HERC2: variants seen among roughly 807,000 people sequenced by gnomAD.
HERC2 encodes the protein HECT and RLD domain containing E3 ubiquitin protein ligase 2, also known as E3 ubiquitin-protein ligase HERC2.
A neutral mutation model predicts 537.7 loss-of-function variants in HERC2; 102 were observed. That is an observed-to-expected ratio of 0.19 (90% CI 0.16 to 0.22). The LOEUF is 0.22. Ranked by LOEUF, HERC2 falls within the 10% of genes least tolerant of loss-of-function variation. HERC2 has a pLI of 1.00. For missense variants in HERC2, 4,236 were observed against 6,198.2 expected (o/e 0.68, Z 10.63); for synonymous variants, 2,224 against 2,466.2 (o/e 0.90, Z 2.91).
At chr15:28,254,230 C>T (rs1596329287) in intron 20 of HERC2, 110 bp downstream of exon 20, 1 of 712,772 alleles carries the variant, frequency 1.4e-6, no homozygotes, top group Non-Finnish European at 2.3e-6. Context: ...TTGCAGTGAG[C>T]CAAGATGGCG....
rs993080126 is a variant in HERC2 at position 28,111,688 on chromosome 15, A to G, written c.*75T>C. The G allele has an allele frequency of 8.7e-6, 13 of 1,497,056 alleles. No homozygotes were observed. Among genetic ancestry groups the G allele is most frequent in the Non-Finnish European group, 1.2e-5 (13 of 1,093,550 alleles). The allele number at this position is 1,497,056 out of a possible 1,614,324, so 92.7% of individuals were successfully genotyped here. ...ACGCTTCTCATCAGACACACCAGGC[A>G]GCCTACAGTCTACACAGCAGCGAGC... On this transcript the variant is annotated 3_prime_UTR_variant, in exon 93 of 93. Coordinates refer to ENST00000261609, the MANE Select transcript of HERC2 (RefSeq NM_004667.6).
rs750011168 is a variant in HERC2 at position 28,117,166 on chromosome 15, G to GAAGC, written c.13273-16_13273-13dup. ...CTTGATCGTTTGACCTGGAGAGGAG[G>GAAGC]AAGCAAGCAAGCGTGAGGCCGCTGC... is the stretch of plus-strand genomic sequence containing the variant. On this transcript the variant is annotated splice_polypyrimidine_tract_variant and intron_variant, in intron 86 of 92. Coordinates refer to ENST00000261609, the MANE Select transcript of HERC2 (RefSeq NM_004667.6). The GAAGC allele has an allele frequency of 6.0e-5, 97 of 1,613,524 alleles. No individual in the cohort carries two copies. Among genetic ancestry groups the GAAGC allele is most frequent in the African/African-American group, 9.3e-5 (7 of 74,944 alleles).
At position 28,191,046 on chromosome 15, in the gene HERC2, G is replaced by T. The variant is rs1896809320; in HGVS notation, c.8568C>A (p.Ser2856=). ...PSLVVVSGGN[S]LNNLIELKTI... ...TCTTTAGTTCAATAAGGTTATTCAG[G>T]GAATTTCCACCTAGGAAAAAATGGG... Residue 2856 remains serine (S), a synonymous_variant, in exon 55 of 93, where the codon TCC becomes TCA. Transcript: ENST00000261609. The T allele has an allele frequency of 6.2e-7, 1 of 1,611,708 alleles. No individual in the cohort carries two copies. Among genetic ancestry groups the T allele is most frequent in the African/African-American group, 1.3e-5 (1 of 74,946 alleles).
chr15:28,291,244 T>A (rs578215061), intron 4 of HERC2, among the ~76,000 whole-genome samples: 1 of 152,230 alleles, frequency 6.6e-6, no homozygotes, highest in South Asian at 2.1e-4. Flanking sequence ...AATTTTTTTT[T>A]AAGAAACAGA....
At chr15:28,170,916 A>G (rs1894631096) in intron 65 of HERC2, among the ~76,000 whole-genome samples, 1 of 152,258 alleles carries the variant, frequency 6.6e-6, no homozygotes, top group Admixed American at 6.5e-5. Flanking sequence ...AGCCATAAGG[A>G]AAATATTAAA....
At chr15:28,236,485 T>TTC (rs1233648692) in intron 26 of HERC2, among the ~76,000 whole-genome samples, 2 of 151,968 alleles carry the variant, frequency 1.3e-5, no homozygotes, top group Admixed American at 1.3e-4. Flanking sequence ...GACATGGGGT[T>TTC]TCACCACATT....
chr15:28,307,720 T>C (rs2076829973), intron 2 of HERC2, among the ~76,000 whole-genome samples: 1 of 152,246 alleles, frequency 6.6e-6, no homozygotes, highest in Admixed American at 6.5e-5. Flanking sequence ...AACATAATTT[T>C]TTTAACTTTT....
At chr15:28,140,484 C>T (rs1176447731) in intron 78 of HERC2, among the ~76,000 whole-genome samples, 1 of 152,188 alleles carries the variant, frequency 6.6e-6, no homozygotes, top group Non-Finnish European at 1.5e-5. Context: ...AACATAAAGT[C>T]AATATATAAA....
At position 28,228,369 on chromosome 15, in the gene HERC2, G is replaced by C; in HGVS notation, c.5313C>G (p.Asn1771Lys). The change falls in exon 35 of 93, where the codon AAC (asparagine) becomes AAG (lysine). Residue 1771 changes from asparagine to lysine, a missense_variant. By Grantham distance (94) the Asn-to-Lys change is moderately conservative (BLOSUM62 0). This residue lies in a region of HERC2 where 343 missense variants were observed against 417.2 expected (regional missense o/e 0.82). Transcript: ENST00000261609. ...PVPLQTITNE[N>K]PSGPSLGTIP... ...TGGTCCCCAGGCTCGGTCCTGACGG[G>C]TTCTCATTGGTGATGGTTTGCAGGG... 1 of 1,612,092 alleles carries C rather than the reference G, an allele frequency of 6.2e-7. No homozygotes were observed. Among genetic ancestry groups the C allele is most frequent in the Non-Finnish European group, 8.5e-7 (1 of 1,179,868 alleles).
chr15:28,161,351 C>T (rs1031335825), intron 69 of HERC2, among the ~76,000 whole-genome samples: 1 of 152,096 alleles, frequency 6.6e-6, no homozygotes, highest in African/African-American at 2.4e-5. Context: ...GGCACAGAAA[C>T]TGCCTAAACT....
chr15:28,203,833 C>T (rs1438584202), intron 45 of HERC2: 20 of 151,896 alleles, frequency 1.3e-4, no homozygotes, highest in African/African-American at 2.4e-5. Flanking sequence ...AGCCTGCGCT[C>T]GGCACAAAGG....
chr15:28,134,742 C>T (rs1419699787), intron 79 of HERC2, among the ~76,000 whole-genome samples: 1 of 144,414 alleles, frequency 6.9e-6, no homozygotes, highest in Non-Finnish European at 1.5e-5. Context: ...TCGCTCTGTT[C>T]CCCAGGCTGG....
Position 28,207,148 on chromosome 15 carries a change from T to TC in HERC2, c.7070-767_7070-766insG, listed in dbSNP as rs1002525534. Among the ~76,000 whole-genome samples the TC allele has an allele frequency of 3.6e-3, 538 of 151,400 alleles. 6 individuals are homozygous for TC. The highest frequency in any genetic ancestry group is 0.012 in the African/African-American group (512 of 40,962). On this transcript the variant is annotated intron_variant, in intron 44 of 92. Transcript: ENST00000261609. ...CTGCACTTGGTCTGATTCTTTCTCT[T>TC]TTCTTGAGATGGAGTCTCACTCTGT...
intron 36 of HERC2, 69 bp downstream of exon 36, chr15:28,221,959 A>G: frequency 9.5e-7 from 1 of 1,051,038 alleles, no homozygotes; most frequent in East Asian, 2.3e-5. Flanking sequence ...CCACCCACCA[A>G]TATCGTACAG....
chr15:28,233,543 A>G lies in HERC2; in HGVS notation c.4370T>C (p.Leu1457Ser), dbSNP rs774619391. 44 of 1,610,646 alleles carry G rather than the reference A, an allele frequency of 2.7e-5. No individual in the cohort carries two copies. Among genetic ancestry groups the G allele is most frequent in the Admixed American group, 3.3e-5 (2 of 59,982 alleles). ...HEDLGHVALS[L>S]VHAGALGIEQ... Reference sequence around the variant, plus strand: ...AATACCAAGTGCACCTGCATGAACTAAAGATAATGCCACATGACCTGTAAA... The same window carrying G: ...AATACCAAGTGCACCTGCATGAACTGAAGATAATGCCACATGACCTGTAAA... The change falls in exon 29 of 93, where the codon TTA (leucine) becomes TCA (serine). Residue 1457 changes from leucine to serine, a missense_variant. This residue lies in a region of HERC2 where 94 missense variants were observed against 174.9 expected (regional missense o/e 0.54). Transcript: ENST00000261609.
chr15:28,150,756 G>A (rs147808773), intron 70 of HERC2, among the ~76,000 whole-genome samples: 5 of 151,014 alleles, frequency 3.3e-5, no homozygotes, highest in Admixed American at 6.6e-5. Context: ...ATGGCCACAC[G>A]AACGTATATT....
Position 28,198,742 on chromosome 15 carries a change from C to G in HERC2, c.7744G>C (p.Ala2582Pro). Reference sequence around the variant, plus strand: ...TCACCTTCGCACACTTCTTCATACGCTCGGCAGCATCTAACCATCATTCCC... The same window carrying G: ...TCACCTTCGCACACTTCTTCATACGGTCGGCAGCATCTAACCATCATTCCC... ...QVGMMVRCCR[A>P]YEEVCEGDVG... The change falls in exon 49 of 93, where the codon GCG becomes CCG. Residue 2582 changes from alanine to proline, a missense_variant. By Grantham distance (27) the Ala-to-Pro change is conservative. Transcript: ENST00000261609. 1 of 1,613,632 alleles carries G rather than the reference C, an allele frequency of 6.2e-7. No individual in the cohort carries two copies. Among genetic ancestry groups the G allele is most frequent in the East Asian group, 2.2e-5 (1 of 44,886 alleles).
chr15:28,259,479 C>T (rs1184475943), intron 16 of HERC2, among the ~76,000 whole-genome samples: 1 of 152,122 alleles, frequency 6.6e-6, no homozygotes, highest in East Asian at 1.9e-4. Context: ...TACACAATCC[C>T]TTATAGAAAA....
At chr15:28,115,307 C>A in intron 89 of HERC2, 122 bp downstream of exon 89, 1 of 491,568 alleles carries the variant, frequency 2.0e-6, no homozygotes, top group Admixed American at 3.7e-5. Flanking sequence ...CCACAGCCAA[C>A]AGCCTCTGCG....
Sources: allele counts gnomAD v4.1 joint callset (sites outside exome capture counted in the v4.1 genomes callset), GRCh38; gene constraint gnomAD v4.1.1; regional missense constraint gnomAD v4.1.1; transcripts MANE v1.5; gene names NCBI Gene and HGNC (gene_info 2026-07-23, HGNC 2026-07-21).